Variants in MBD3 observed in about 807,000 individuals in gnomAD.
MBD3 encodes methyl-CpG-binding domain protein 3.
In MBD3, 13 loss-of-function variants were observed where a neutral mutation model predicts 31.2. The ratio of observed to expected loss-of-function variants is 0.42; its 90% CI spans 0.27 to 0.66. The LOEUF (loss-of-function observed/expected upper bound fraction) is 0.66. MBD3 is among the 30% of genes least tolerant of loss of function. The pLI is 0.26. For missense variants in MBD3, 440 were observed against 426.5 expected, an observed-to-expected ratio of 1.03 and a Z score of -0.28; for synonymous variants, 223 against 187.4, an observed-to-expected ratio of 1.19 and a Z score of -1.55.
At position 1,577,934 on chromosome 19, in the gene MBD3, G is replaced by C; in HGVS notation, c.*230C>G. The C allele has an allele frequency of 3.6e-6, 1 of 278,974 alleles. No individual in the cohort carries two copies. Among genetic ancestry groups the C allele is most frequent in the South Asian group, 4.2e-5 (1 of 23,696 alleles). The allele number at this position is 278,974 out of a possible 1,614,324, so 17.3% of individuals were successfully genotyped here. A position where few individuals can be genotyped will look rare whatever the true frequency, so the allele number is the denominator to read the frequency against. ...GAGCACCCGGCACTTCCCGAAGCCGGACTCTGTAGAGGACGAGCGTGGAGG... is the reference window on the plus strand; with the variant it reads ...GAGCACCCGGCACTTCCCGAAGCCGCACTCTGTAGAGGACGAGCGTGGAGG... On this transcript the variant is annotated 3_prime_UTR_variant, in exon 7 of 7. Coordinates refer to ENST00000434436, the MANE Select transcript of MBD3 (RefSeq NM_001281453.2).
chr19:1,584,526 T>C lies in MBD3; in HGVS notation c.408+14A>G. ...CCGGCCGGGAAGGCTGGGGTCGCTG[T>C]GCGTTGAGCTCACCTGGCGCGGCTG... is the stretch of plus-strand genomic sequence containing the variant. On this transcript the variant is annotated intron_variant, in intron 3 of 6. Transcript: ENST00000434436. 3 of 1,612,496 alleles carry C rather than the reference T, an allele frequency of 1.9e-6. No homozygotes were observed. The highest frequency in any genetic ancestry group is 2.5e-6 in the Non-Finnish European group (3 of 1,179,750).
intron 1 of MBD3, among the ~76,000 whole-genome samples, chr19:1,589,012 G>A (rs2060691768): frequency 6.6e-6 from 1 of 152,014 alleles, no homozygotes. Context: ...GTATTGTATG[G>A]TACATAAAAC....
In MBD3 at chr19:1,577,201, G is replaced by A. The variant is rs1188315617; in HGVS notation, c.*963C>T. 6.6e-6 allele frequency: 1 copy of A among 152,414 alleles called. No homozygotes were observed. Among genetic ancestry groups the A allele is most frequent in the Non-Finnish European group, 1.5e-5 (1 of 68,168 alleles). The allele number at this position is 152,414 out of a possible 1,614,324, so 9.4% of individuals were successfully genotyped here. ...GAGGGCACCAGGGACTGGCCGCAGA[G>A]TCCACTCGGGGCAGGCGTCTGTGGC... On this transcript the variant is annotated 3_prime_UTR_variant, in exon 7 of 7. Transcript: ENST00000434436.
chr19:1,581,307 TC>T, intron 4 of MBD3, 38 bp from the exon 5 acceptor site: 1 of 1,591,484 alleles, frequency 6.3e-7, no homozygotes, highest in African/African-American at 1.3e-5. Flanking sequence ...AGTGGAGAGG[TC>T]ACCACGGGGC....
At chr19:1,582,015 C>T (rs1385268321) in intron 4 of MBD3, among the ~76,000 whole-genome samples, 1 of 152,156 alleles carries the variant, frequency 6.6e-6, no homozygotes, top group Non-Finnish European at 1.5e-5. Context: ...GATCCGCCCG[C>T]CTTGGCCTCC....
intron 5 of MBD3, among the ~76,000 whole-genome samples, chr19:1,580,306 T>G (rs1359517846): frequency 6.6e-6 from 1 of 152,070 alleles, no homozygotes; most frequent in Non-Finnish European, 1.5e-5. Context: ...CTTGTGGGGG[T>G]GGCGTCTCAG....
chr19:1,587,885 G>C (rs1214786272), intron 1 of MBD3, among the ~76,000 whole-genome samples: 1 of 152,036 alleles, frequency 6.6e-6, no homozygotes, highest in African/African-American at 2.4e-5. Context: ...CGTTTTCCCA[G>C]AATCCTCTAG....
Position 1,592,543 on chromosome 19 carries a change from T to C in MBD3, c.89A>G (p.His30Arg), listed in dbSNP as rs771155628. The C allele has an allele frequency of 8.4e-6, 12 of 1,435,294 alleles. 1 individual carries two copies. The South Asian group carries it at 1.1e-4, about 13-fold the overall frequency. 88.9% of individuals were successfully genotyped at this position (1,435,294 alleles called of 1,614,324 possible). A position where few individuals can be genotyped will look rare whatever the true frequency, so the allele number is the denominator to read the frequency against. ...TCACCTATAGTAAAAGACATCCCTGTGGCCGGCCGACAGCCCCGACCTTCT... is the reference window on the plus strand; with the variant it reads ...TCACCTATAGTAAAAGACATCCCTGCGGCCGGCCGACAGCCCCGACCTTCT... The part of the protein sequence containing the change: ...VPRRSGLSAG[H>R]RDVFYYSPSG... Residue 30 changes from histidine to arginine, a missense_variant, in exon 1 of 7, where the codon CAC (histidine) becomes CGC (arginine). This residue lies in a region of MBD3 where 179 missense variants were observed against 134.7 expected (regional missense o/e 1.33). Transcript: ENST00000434436.
In MBD3 at chr19:1,578,803, C is replaced by T. The variant is rs1222196601; in HGVS notation, c.678-265G>A. On this transcript the variant is annotated intron_variant, in intron 5 of 6. Coordinates refer to ENST00000434436, the MANE Select transcript of MBD3 (RefSeq NM_001281453.2). This position sits in a 1 kb window ranked among gnomAD's most constrained non-coding sequence, Gnocchi z 6.1. ...GGACCAAGGGAGGGGCCTGACCCTT[C>T]AGTCCCCAGACTTGGCCCTGAGCCT... Among the ~76,000 whole-genome samples the T allele has an allele frequency of 2.0e-5, 3 of 152,194 alleles. No individual in the cohort carries two copies. Among genetic ancestry groups the T allele is most frequent in the African/African-American group, 7.2e-5 (3 of 41,456 alleles).
chr19:1,586,561 T>G (rs946127973), intron 1 of MBD3, among the ~76,000 whole-genome samples: 1 of 152,152 alleles, frequency 6.6e-6, no homozygotes, highest in African/African-American at 2.4e-5. Context: ...CAGGCTGGAA[T>G]GCAATGGCTC....
In MBD3 at chr19:1,581,225, C is replaced by T. The variant is rs201867850; in HGVS notation, c.544G>A (p.Ala182Thr). The change falls in exon 5 of 7, where the codon GCC (alanine) becomes ACC (threonine). Residue 182 changes from alanine to threonine, a missense_variant. Transcript: ENST00000434436. ...CTDETLLSAIASALHTSTMPI... is the reference protein window; with the variant it reads ...CTDETLLSAITSALHTSTMPI... ...ATGGTGCTAGTGTGCAGGGCGCTGG[C>T]GATGGCCGACAGCAGCGTCTCATCC... 6.1e-5 allele frequency: 99 copies of T among 1,612,766 alleles called. No individual in the cohort carries two copies. In the African/African-American group the frequency reaches 9.2e-4, roughly 15 times the overall value.
chr19:1,586,666 G>T (rs973474849), intron 1 of MBD3, among the ~76,000 whole-genome samples: 1 of 63,540 alleles, frequency 1.6e-5, no homozygotes, highest in Non-Finnish European at 2.8e-5. Flanking sequence ...AAGCCACCAC[G>T]CCTAATTTTT....
Position 1,585,218 on chromosome 19 carries a change from C to T in MBD3, c.111-4G>A, listed in dbSNP as rs2060673486. The T allele has an allele frequency of 6.3e-7, 1 of 1,585,996 alleles. No homozygotes were observed. Among genetic ancestry groups the T allele is most frequent in the Non-Finnish European group, 8.5e-7 (1 of 1,172,582 alleles). On this transcript the variant is annotated splice_polypyrimidine_tract_variant and splice_region_variant and intron_variant, in intron 1 of 6. Transcript: ENST00000434436. The surrounding 1 kb of genome is among the most constrained non-coding windows in gnomAD (Gnocchi z 4.1). ...GCGGAACTTCTTCCCGCTCGGGCTGCGGGGAGGCGGGACGGTCGGCGCCCC... is the reference window on the plus strand; with the variant it reads ...GCGGAACTTCTTCCCGCTCGGGCTGTGGGGAGGCGGGACGGTCGGCGCCCC...
chr19:1,573,891 A>C lies in MBD3; in HGVS notation c.*4273T>G, dbSNP rs1915031389. ...GTGGCGGGCGCCCGTAATCTCAGCTACTCAGCAGGCTGAGGCTGGAGAATC... is the reference window on the plus strand; with the variant it reads ...GTGGCGGGCGCCCGTAATCTCAGCTCCTCAGCAGGCTGAGGCTGGAGAATC... On this transcript the variant is annotated 3_prime_UTR_variant, in exon 7 of 7. Transcript: ENST00000434436. 6.6e-6 allele frequency: 1 copy of C among 152,006 alleles called. No individual in the cohort carries two copies. Among genetic ancestry groups the C allele is most frequent in the Admixed American group, 6.6e-5 (1 of 15,250 alleles). The allele number at this position is 152,006 out of a possible 1,614,324, so 9.4% of individuals were successfully genotyped here.
intron 3 of MBD3, among the ~76,000 whole-genome samples, chr19:1,583,597 C>T (rs2060663693): frequency 6.6e-6 from 1 of 151,874 alleles, no homozygotes; most frequent in African/African-American, 2.4e-5. Flanking sequence ...TTGGCTCACA[C>T]CTGTAATCCC....
intron 1 of MBD3, among the ~76,000 whole-genome samples, chr19:1,591,507 C>G (rs2060703431): frequency 6.6e-6 from 1 of 152,164 alleles, no homozygotes; most frequent in Non-Finnish European, 1.5e-5. Context: ...TGGGCGGTCT[C>G]CTGCCCACGA....
chr19:1,576,683 G>C lies in MBD3; in HGVS notation c.*1481C>G, dbSNP rs953568893. 2.6e-5 allele frequency: 4 copies of C among 152,346 alleles called. No homozygotes were observed. The highest frequency in any genetic ancestry group is 2.9e-5 in the Non-Finnish European group (2 of 68,120). 9.4% of individuals were successfully genotyped at this position (152,346 alleles called of 1,614,324 possible). ...GGACGCACCGAACTCCAGGCTCCAA[G>C]CACATCCACCCATGGTGGCTTTATT... is the stretch of plus-strand genomic sequence containing the variant. On this transcript the variant is annotated 3_prime_UTR_variant, in exon 7 of 7. Coordinates refer to ENST00000434436, the MANE Select transcript of MBD3 (RefSeq NM_001281453.2).
intron 1 of MBD3, among the ~76,000 whole-genome samples, chr19:1,590,321 A>G (rs557131454): frequency 1.3e-5 from 2 of 150,682 alleles, no homozygotes; most frequent in Non-Finnish European, 2.9e-5. Context: ...ACTGAATTGT[A>G]CATTTCTAAA....
chr19:1,579,158 T>C (rs1396568443), intron 5 of MBD3, among the ~76,000 whole-genome samples: 1 of 115,622 alleles, frequency 8.6e-6, no homozygotes, highest in Non-Finnish European at 1.6e-5. Context: ...CACTCCAGCA[T>C]GGGCAACAGA....
Sources: gnomAD v4.1 joint callset for allele counts (sites outside exome capture counted in the v4.1 genomes callset) on GRCh38, gnomAD v4.1.1 for gene constraint, gnomAD v4.1.1 regional missense constraint, Gnocchi (gnomAD v3.1) non-coding constraint, MANE v1.5 for transcripts, NCBI Gene and HGNC (gene_info 2026-07-23, HGNC 2026-07-21) for gene names.